NUDCD3: variants seen among roughly 807,000 people sequenced by gnomAD.
NUDCD3 encodes nudC domain-containing protein 3.
Under a neutral mutation model 39.7 loss-of-function variants are expected in NUDCD3, and 13 were observed. The observed-to-expected ratio is 0.33, with a 90% confidence interval of 0.21 to 0.52. The LOEUF is 0.52. Among genes scored for constraint, NUDCD3 ranks in the 20% least tolerant of loss-of-function variants. The probability of loss-of-function intolerance (pLI) is 0.96; values close to 1 mark genes in which losing one functional copy is unlikely to be tolerated. For synonymous variants in NUDCD3, 175 were observed against 172.4 expected, an observed-to-expected ratio of 1.02 and a Z score of -0.12; for missense variants, 453 against 458.1, an observed-to-expected ratio of 0.99 and a Z score of 0.10.
At position 44,385,983 on chromosome 7, in the gene NUDCD3, C is replaced by T. The variant is rs367977970; in HGVS notation, c.*28G>A. 4.2e-5 allele frequency: 49 copies of T among 1,162,090 alleles called. No individual in the cohort carries two copies. The highest frequency in any genetic ancestry group is 2.6e-4 in the South Asian group (21 of 82,072). 72.0% of individuals were successfully genotyped at this position (1,162,090 alleles called of 1,614,324 possible). The stretch of plus-strand genomic sequence containing the variant: ...CGAGGATAAGGCTCTGCCTCCCCAC[C>T]GGCGAGGGTTTCCTTTCCTTCTGGT... On this transcript the variant is annotated 3_prime_UTR_variant, in exon 6 of 6. Coordinates refer to ENST00000355451, the MANE Select transcript of NUDCD3 (RefSeq NM_015332.4).
intron 2 of NUDCD3, among the ~76,000 whole-genome samples, chr7:44,428,864 A>G (rs1799293289): frequency 6.6e-6 from 1 of 152,222 alleles, no homozygotes; most frequent in South Asian, 2.1e-4. Context: ...ACATTCCAAC[A>G]GTAGGTGCAT....
chr7:44,443,342 A>G (rs754460209), intron 2 of NUDCD3, among the ~76,000 whole-genome samples: 6 of 152,182 alleles, frequency 3.9e-5, no homozygotes, highest in Non-Finnish European at 8.8e-5. Flanking sequence ...ATTACATTAA[A>G]CAAGATTCAA....
chr7:44,426,095 T>C lies in NUDCD3; in HGVS notation c.642+1476A>G. The C allele has an allele frequency of 5.1e-6, 5 of 984,342 alleles. No homozygotes were observed. In the South Asian group the frequency reaches 2.4e-4, roughly 46 times the overall value. The allele number at this position is 984,342 out of a possible 1,614,324, so 61.0% of individuals were successfully genotyped here. A position where few individuals can be genotyped will look rare whatever the true frequency, so the allele number is the denominator to read the frequency against. ...GGCCGTCCACTTCATCGCTGTGACCTGGGTTCTTTGCTTTGCCTCTCAGGA... is the reference window on the plus strand; with the variant it reads ...GGCCGTCCACTTCATCGCTGTGACCCGGGTTCTTTGCTTTGCCTCTCAGGA... On this transcript the variant is annotated intron_variant, in intron 3 of 5. Coordinates refer to ENST00000355451, the MANE Select transcript of NUDCD3 (RefSeq NM_015332.4).
intron 5 of NUDCD3, among the ~76,000 whole-genome samples, chr7:44,388,219 G>A (rs1449979391): frequency 6.6e-6 from 1 of 152,208 alleles, no homozygotes; most frequent in Non-Finnish European, 1.5e-5. Flanking sequence ...GGGCATCAAT[G>A]CCAGAGCACG....
intron 1 of NUDCD3, chr7:44,490,030 A>C: frequency 5.7e-6 from 1 of 173,992 alleles, no homozygotes. Flanking sequence ...CATCCCCGCC[A>C]GCTCAAGTCT....
chr7:44,404,513 A>G lies in NUDCD3; in HGVS notation c.713T>C (p.Met238Thr), dbSNP rs1307946950. Residue 238 changes from methionine (M) to threonine (T), a missense_variant, in exon 4 of 6, where the codon ATG becomes ACG. By Grantham distance (81) the Met-to-Thr change is moderately conservative. Transcript: ENST00000355451. ...GATCTTGTGGGTGAGCTTCCCTTCC[A>G]TGAGGACGCGCTCCCCATTTTCCTC... ...MLEENGERVL[M>T]EGKLTHKINT... 6.2e-7 allele frequency: 1 copy of G among 1,614,038 alleles called. No homozygotes were observed. Among genetic ancestry groups the G allele is most frequent in the Admixed American group, 1.7e-5 (1 of 60,006 alleles).
At chr7:44,448,770 A>G (rs1241377914) in intron 2 of NUDCD3, among the ~76,000 whole-genome samples, 1 of 152,116 alleles carries the variant, frequency 6.6e-6, no homozygotes, top group Non-Finnish European at 1.5e-5. Flanking sequence ...ACTCCAAAAG[A>G]ATACAGAAAG....
At chr7:44,393,503 C>G (rs1472512590) in intron 4 of NUDCD3, among the ~76,000 whole-genome samples, 2 of 152,194 alleles carry the variant, frequency 1.3e-5, no homozygotes. Context: ...AGAAAACTGG[C>G]TGCATCTGCT....
intron 1 of NUDCD3, among the ~76,000 whole-genome samples, chr7:44,486,459 G>A (rs1034260062): frequency 1.3e-5 from 2 of 151,722 alleles, no homozygotes; most frequent in African/African-American, 4.9e-5. Flanking sequence ...GCTGGCAAAA[G>A]AAGTAAAAAA....
chr7:44,388,342 C>G (rs973223284), intron 5 of NUDCD3, among the ~76,000 whole-genome samples: 5 of 152,212 alleles, frequency 3.3e-5, no homozygotes, highest in African/African-American at 1.2e-4. Flanking sequence ...TGAAGCAACT[C>G]CGGCCCCCTA....
chr7:44,468,349 C>CAAAAAA (rs77181470), intron 2 of NUDCD3: 293 of 380,798 alleles, frequency 7.7e-4, no homozygotes, highest in African/African-American at 5.0e-3. Context: ...GTAAAAACTG[C>CAAAAAA]AAAAAAAAAA....
intron 4 of NUDCD3, among the ~76,000 whole-genome samples, chr7:44,403,719 A>G (rs1423724371): frequency 6.6e-6 from 1 of 152,270 alleles, no homozygotes; most frequent in Admixed American, 6.5e-5. Flanking sequence ...TATGAAGAAT[A>G]TATCTGTATA....
Position 44,380,005 on chromosome 7 carries a change from C to T in NUDCD3, c.*6006G>A, listed in dbSNP as rs1322886179. On this transcript the variant is annotated 3_prime_UTR_variant, in exon 6 of 6. Coordinates refer to ENST00000355451, the MANE Select transcript of NUDCD3 (RefSeq NM_015332.4). ...AACGGTCTGGCATAAACAGACAAGC[C>T]CCGGGGAGGCAGACAGCGTCCACCA... 6.6e-6 allele frequency: 1 copy of T among 152,242 alleles called. No homozygotes were observed. The highest frequency in any genetic ancestry group is 6.5e-5 in the Admixed American group (1 of 15,272). The allele number at this position is 152,242 out of a possible 1,614,324, so 9.4% of individuals were successfully genotyped here.
In NUDCD3 at chr7:44,392,411, CTT is replaced by C. The variant is rs746808488; in HGVS notation, c.859_860del (p.Lys287AspfsTer12). On this transcript the variant is annotated frameshift_variant, in exon 5 of 6. Coordinates refer to ENST00000355451, the MANE Select transcript of NUDCD3 (RefSeq NM_015332.4). LOFTEE classifies it high-confidence loss of function. ...LEGEEPIDIDKINKERSMATV... is the reference protein window; with the variant it reads ...LEGEEPIDIDXINKERSMATV... ...TGGCCATGGAGCGCTCCTTGTTGATCTTGTCAATGTCGATGGGCTCTTCTCCC... is the reference window on the plus strand; with the variant it reads ...TGGCCATGGAGCGCTCCTTGTTGATCGTCAATGTCGATGGGCTCTTCTCCC... The C allele has an allele frequency of 6.2e-7, 1 of 1,614,058 alleles. No individual in the cohort carries two copies. Among genetic ancestry groups the C allele is most frequent in the Non-Finnish European group, 8.5e-7 (1 of 1,180,028 alleles).
At chr7:44,388,789 C>A (rs756766352) in intron 5 of NUDCD3, among the ~76,000 whole-genome samples, 1 of 152,240 alleles carries the variant, frequency 6.6e-6, no homozygotes, top group Non-Finnish European at 1.5e-5. Flanking sequence ...TCCTGCATGT[C>A]GCTGAAGATC....
chr7:44,490,579 G>C lies in NUDCD3; in HGVS notation c.22C>G (p.Leu8Val). ...ATGCCCAAAAGGGCCTGGTCATACA[G>C]CTCGGCCGCCCCTGTCTCCATGTCG... METGAAE[L>V]YDQALLGILQ... The change falls in exon 1 of 6, where the codon CTG (leucine) becomes GTG (valine). Residue 8 changes from leucine to valine, a missense_variant. By Grantham distance (32) the Leu-to-Val change is conservative. Transcript: ENST00000355451. 6.2e-7 allele frequency: 1 copy of C among 1,610,158 alleles called. No homozygotes were observed. Among genetic ancestry groups the C allele is most frequent in the Non-Finnish European group, 8.5e-7 (1 of 1,178,338 alleles).
chr7:44,488,203 C>T (rs966738453), intron 1 of NUDCD3, among the ~76,000 whole-genome samples: 3 of 151,038 alleles, frequency 2.0e-5, no homozygotes, highest in Non-Finnish European at 3.0e-5. Flanking sequence ...GGCGTGGTGG[C>T]GCACACCTGC....
chr7:44,448,131 C>G (rs919812338), intron 2 of NUDCD3, among the ~76,000 whole-genome samples: 6 of 152,226 alleles, frequency 3.9e-5, no homozygotes, highest in African/African-American at 1.4e-4. Flanking sequence ...CTGTAGTCTA[C>G]TCCCATGTGC....
intron 2 of NUDCD3, among the ~76,000 whole-genome samples, chr7:44,461,801 T>C (rs547642097): frequency 6.6e-6 from 1 of 152,204 alleles, no homozygotes; most frequent in South Asian, 2.1e-4. Context: ...CCAGAAATGC[T>C]TCCTAGAGAA....
Sources: allele counts gnomAD v4.1 joint callset (sites outside exome capture counted in the v4.1 genomes callset), GRCh38; gene constraint gnomAD v4.1.1; transcripts MANE v1.5; gene names NCBI Gene and HGNC (gene_info 2026-07-23, HGNC 2026-07-21).